Variants in MAP3K20 observed in about 807,000 individuals in gnomAD.
The protein encoded by MAP3K20 is mitogen-activated protein kinase kinase kinase 20, also known as HCCS-4.
MAP3K20 carries 40 observed loss-of-function variants against 85.7 expected under a neutral mutation model. The ratio of observed to expected loss-of-function variants is 0.47; its 90% CI spans 0.36 to 0.61. MAP3K20 has a LOEUF of 0.61. Ranked by LOEUF, MAP3K20 falls within the 20% of genes least tolerant of loss-of-function variation. The pLI, the probability that MAP3K20 is intolerant of heterozygous loss-of-function variation, is 0.00. For synonymous variants in MAP3K20, 325 were observed against 327.7 expected (o/e 0.99, Z 0.09); for missense variants, 817 against 961.7 (o/e 0.85, Z 1.99).
intron 2 of MAP3K20, among the ~76,000 whole-genome samples, chr2:173,157,078 G>A (rs948772579): frequency 1.3e-5 from 2 of 152,180 alleles, no homozygotes; most frequent in East Asian, 1.9e-4. Context: ...CTTTGTTAGC[G>A]AAAGGAAAGA....
chr2:173,172,364 C>T (rs1247916840), intron 3 of MAP3K20, among the ~76,000 whole-genome samples: 2 of 151,372 alleles, frequency 1.3e-5, no homozygotes, highest in Non-Finnish European at 2.9e-5. Context: ...GTTGTTGCAG[C>T]AGGCAGCTGT....
rs145549000 is a variant in MAP3K20, at chr2:173,209,785, G to A, written c.801G>A (p.Thr267=). The A allele has an allele frequency of 2.7e-5, 44 of 1,613,768 alleles. No homozygotes were observed. The highest frequency in any genetic ancestry group is 2.3e-4 in the African/African-American group (17 of 74,870). Reference sequence around the variant, plus strand: ...TCCTGGAGTCCATGTCAAATGACACGAGCCTTCCTGACAAGTGTAACTCAT... The same window carrying A: ...TCCTGGAGTCCATGTCAAATGACACAAGCCTTCCTGACAAGTGTAACTCAT... ...ISILESMSND[T]SLPDKCNSFL... is the part of the protein sequence containing the mutation. The change falls in exon 10 of 20, where the codon ACG becomes ACA. Residue 267 remains threonine, a synonymous_variant. Coordinates refer to ENST00000375213, the MANE Select transcript of MAP3K20 (RefSeq NM_016653.3).
At chr2:173,107,686 A>G (rs1046663164) in intron 2 of MAP3K20, among the ~76,000 whole-genome samples, 1 of 152,182 alleles carries the variant, frequency 6.6e-6, no homozygotes, top group Non-Finnish European at 1.5e-5. Flanking sequence ...TGCTTTCTCC[A>G]CTACTTATTA....
intron 2 of MAP3K20, among the ~76,000 whole-genome samples, chr2:173,149,390 G>C (rs1324930446): frequency 1.3e-5 from 2 of 152,060 alleles, no homozygotes; most frequent in Non-Finnish European, 2.9e-5. Flanking sequence ...CTGGAGCTTA[G>C]TTAATAGTAA....
At chr2:173,137,811 A>G (rs1171177567) in intron 2 of MAP3K20, among the ~76,000 whole-genome samples, 1 of 152,230 alleles carries the variant, frequency 6.6e-6, no homozygotes, top group Non-Finnish European at 1.5e-5. Flanking sequence ...GGGCATCAAC[A>G]TTTAAGTAAC....
chr2:173,229,793 T>G (rs1684479923), intron 12 of MAP3K20, 60 bp downstream of exon 12: 1 of 1,594,026 alleles, frequency 6.3e-7, no homozygotes, highest in Non-Finnish European at 8.6e-7. Flanking sequence ...AATTTTTCCC[T>G]AAGTTTTTAG....
At chr2:173,112,110 C>T (rs776859386) in intron 2 of MAP3K20, among the ~76,000 whole-genome samples, 2 of 152,068 alleles carry the variant, frequency 1.3e-5, no homozygotes, top group Non-Finnish European at 2.9e-5. Context: ...TTGTAGTTTT[C>T]CTTATAGAGG....
intron 11 of MAP3K20, chr2:173,221,793 C>T (rs1424391208): frequency 9.0e-7 from 1 of 1,107,484 alleles, no homozygotes; most frequent in African/African-American, 1.6e-5. Context: ...ATCCTATATA[C>T]AATATAGGAC....
chr2:173,250,211 G>C (rs1685011865), intron 16 of MAP3K20, among the ~76,000 whole-genome samples: 1 of 152,200 alleles, frequency 6.6e-6, no homozygotes, highest in African/African-American at 2.4e-5. Context: ...CATTTAGCTA[G>C]AAGTCATTTT....
At position 173,203,811 on chromosome 2, in the gene MAP3K20, A is replaced by G. The variant is rs774244017; in HGVS notation, c.685A>G (p.Ser229Gly). ...TCTATTGTAGAGATTAACCATTCCA[A>G]GCAGTTGCCCCAGAAGTTTTGCTGA... ...VEKNERLTIP[S>G]SCPRSFAELL... The change falls in exon 9 of 20, where the codon AGC becomes GGC. Residue 229 changes from serine (S) to glycine (G), a missense_variant. This residue lies in a region of MAP3K20 where 200 missense variants were observed against 302.7 expected (regional missense o/e 0.66). Transcript: ENST00000375213. 2 of 1,613,764 alleles carry G rather than the reference A, an allele frequency of 1.2e-6. No homozygotes were observed. The highest frequency in any genetic ancestry group is 2.2e-5 in the South Asian group (2 of 91,076).
chr2:173,144,226 G>A (rs988089299), intron 2 of MAP3K20, among the ~76,000 whole-genome samples: 3 of 152,062 alleles, frequency 2.0e-5, no homozygotes, highest in African/African-American at 7.2e-5. Context: ...CACTTTGGGA[G>A]GCCAAGGTGG....
chr2:173,079,006 G>A (rs1035271400), intron 1 of MAP3K20, among the ~76,000 whole-genome samples: 9 of 152,238 alleles, frequency 5.9e-5, no homozygotes, highest in African/African-American at 1.9e-4. Context: ...CTAAGGATAA[G>A]TACAGTCATG....
intron 2 of MAP3K20, among the ~76,000 whole-genome samples, chr2:173,150,171 T>G (rs1253809140): frequency 2.6e-5 from 4 of 152,224 alleles, no homozygotes; most frequent in Admixed American, 2.0e-4. Flanking sequence ...CCATATCCTG[T>G]AAGTGGAAAA....
intron 2 of MAP3K20, among the ~76,000 whole-genome samples, chr2:173,134,418 A>AT (rs1559246078): frequency 4.9e-4 from 3 of 6,144 alleles, no homozygotes; most frequent in African/African-American, 1.8e-3. Context: ...ATATATATAT[A>AT]TATATATATA....
At chr2:173,184,518 G>C (rs1690427184) in intron 4 of MAP3K20, among the ~76,000 whole-genome samples, 1 of 152,200 alleles carries the variant, frequency 6.6e-6, no homozygotes, top group Non-Finnish European at 1.5e-5. Flanking sequence ...TGAGGGATAA[G>C]TCTCTTGGCT....
At chr2:173,139,122 T>C (rs904970291) in intron 2 of MAP3K20, among the ~76,000 whole-genome samples, 1 of 152,212 alleles carries the variant, frequency 6.6e-6, no homozygotes, top group Admixed American at 6.5e-5. Context: ...ACTTACATTA[T>C]TTCCTTGCAA....
At position 173,266,306 on chromosome 2, in the gene MAP3K20, C is replaced by T. The variant is rs746608012; in HGVS notation, c.1959C>T (p.Asn653=). The change falls in exon 20 of 20, where the codon AAC becomes AAT. Residue 653 remains asparagine (N), a synonymous_variant. Coordinates refer to ENST00000375213, the MANE Select transcript of MAP3K20 (RefSeq NM_016653.3). ...LTKNFSSLHL[N]SRDSGFSSGN... ...AAAACTTCTCTTCCCTACATCTCAA[C>T]TCTAGGGACAGTGGCTTTTCCAGTG... 1 of 1,614,174 alleles carries T rather than the reference C, an allele frequency of 6.2e-7. No individual in the cohort carries two copies. Among genetic ancestry groups the T allele is most frequent in the Non-Finnish European group, 8.5e-7 (1 of 1,180,030 alleles).
At chr2:173,134,520 T>C (rs1447763370) in intron 2 of MAP3K20, among the ~76,000 whole-genome samples, 3 of 145,010 alleles carry the variant, frequency 2.1e-5, no homozygotes, top group Non-Finnish European at 4.5e-5. Context: ...GCCCGTTTTG[T>C]CCTCCTCCCA....
At chr2:173,141,955 G>C (rs1688987849) in intron 2 of MAP3K20, among the ~76,000 whole-genome samples, 1 of 152,208 alleles carries the variant, frequency 6.6e-6, no homozygotes, top group Non-Finnish European at 1.5e-5. Context: ...TGCCATTTTA[G>C]AGATCAATAC....
Sources: gnomAD v4.1 joint callset for allele counts (sites outside exome capture counted in the v4.1 genomes callset) on GRCh38, gnomAD v4.1.1 for gene constraint, gnomAD v4.1.1 regional missense constraint, MANE v1.5 for transcripts, NCBI Gene and HGNC (gene_info 2026-07-23, HGNC 2026-07-21) for gene names.